SCN9A: variants seen among roughly 807,000 people sequenced by gnomAD.
SCN9A encodes sodium channel protein type 9 subunit alpha.
Under a neutral mutation model 187.0 loss-of-function variants are expected in SCN9A, and 131 were observed. The observed-to-expected ratio is 0.70, with a 90% CI of 0.61 to 0.81. The LOEUF (loss-of-function observed/expected upper bound fraction) is 0.81. Among genes scored for constraint, SCN9A ranks in the 30% least tolerant of loss-of-function variants. The pLI, the probability that SCN9A is intolerant of heterozygous loss-of-function variation, is 0.00. For missense variants in SCN9A, 2,252 were observed against 2,396.6 expected (o/e 0.94, Z 1.26); for synonymous variants, 809 against 808.6 (o/e 1.00, Z -0.01).
At chr2:166,360,131 G>T (rs1432136493) in intron 1 of SCN9A, among the ~76,000 whole-genome samples, 1 of 142,622 alleles carries the variant, frequency 7.0e-6, no homozygotes, top group East Asian at 2.2e-4. Flanking sequence ...TGAGGCAGGA[G>T]AACTGCTTGA....
chr2:166,243,014 C>A (rs889171821), intron 18 of SCN9A, among the ~76,000 whole-genome samples: 4 of 152,024 alleles, frequency 2.6e-5, no homozygotes, highest in African/African-American at 9.7e-5. Context: ...TCTTTTCTGA[C>A]AGATAAATTT....
rs1693269963 is a variant in SCN9A, at chr2:166,197,171, T to A, written c.*1501A>T. 1 of 152,224 alleles carries A rather than the reference T, an allele frequency of 6.6e-6. No homozygotes were observed. The highest frequency in any genetic ancestry group is 2.1e-4 in the South Asian group (1 of 4,828). The allele number at this position is 152,224 out of a possible 1,614,324, so 9.4% of individuals were successfully genotyped here. A position where few individuals can be genotyped will look rare whatever the true frequency, so the allele number is the denominator to read the frequency against. On this transcript the variant is annotated 3_prime_UTR_variant, in exon 27 of 27. Transcript: ENST00000642356. ...TAAAACTACATTCTACCTGTGTAGC[T>A]CAATTTTTGCCTGTGCATGAATAAC...
chr2:166,221,937 CTTATA>C (rs1694605421), intron 24 of SCN9A, among the ~76,000 whole-genome samples: 1 of 152,174 alleles, frequency 6.6e-6, no homozygotes, highest in East Asian at 1.9e-4. Context: ...AAATTGAATT[CTTATA>C]TTATACCATA....
intron 1 of SCN9A, among the ~76,000 whole-genome samples, chr2:166,335,883 C>T (rs1179853736): frequency 6.6e-6 from 1 of 152,048 alleles, no homozygotes; most frequent in African/African-American, 2.4e-5. Context: ...GAAAAATAAG[C>T]ACAGTCTGAG....
chr2:166,203,218 G>T (rs1340072072), intron 26 of SCN9A, among the ~76,000 whole-genome samples: 2 of 151,726 alleles, frequency 1.3e-5, no homozygotes, highest in Non-Finnish European at 1.5e-5. Context: ...AACCTTTTCA[G>T]ATTGATAACC....
chr2:166,233,368 C>T lies in SCN9A; in HGVS notation c.3896G>A (p.Arg1299Lys), dbSNP rs776787509. The T allele has an allele frequency of 4.5e-6, 7 of 1,566,298 alleles. No individual in the cohort carries two copies. The highest frequency in any genetic ancestry group is 4.3e-6 in the Non-Finnish European group (5 of 1,160,828). ...LRTLRALRPLRALSRFEGMRV... is the reference protein window; with the variant it reads ...LRTLRALRPLKALSRFEGMRV... ...CATTCCTTCAAATCTAGATAAGGCT[C>T]TTAGAGGTCTTAAAGCTCTCAGTGT... The change falls in exon 21 of 27, where the codon AGA (arginine) becomes AAA (lysine). Residue 1299 changes from arginine to lysine, a missense_variant. This residue lies in a region of SCN9A where 368 missense variants were observed against 408.6 expected (regional missense o/e 0.90). Transcript: ENST00000642356.
rs994948367 is a variant in SCN9A, at chr2:166,280,531, G to A, written c.2169C>T (p.Ile723=). ...TTATCCAATATGGAGAGCAATTCCA[G>A]ATCAAGAATTTGTGTGCAAATCTGT... is the stretch of plus-strand genomic sequence containing the variant. ...WWYRFAHKFL[I]WNCSPYWIKF... is the part of the protein sequence containing the mutation. Residue 723 remains isoleucine (I), a synonymous_variant, in exon 14 of 27, where the codon ATC becomes ATT. Transcript: ENST00000642356. The A allele has an allele frequency of 6.3e-7, 1 of 1,592,416 alleles. No individual in the cohort carries two copies. The highest frequency in any genetic ancestry group is 8.6e-7 in the Non-Finnish European group (1 of 1,167,562).
At chr2:166,364,272 G>T (rs1295482111) in intron 1 of SCN9A, among the ~76,000 whole-genome samples, 1 of 151,958 alleles carries the variant, frequency 6.6e-6, no homozygotes, top group Admixed American at 6.6e-5. Context: ...ACACTGTGGT[G>T]GTTCCTCAAA....
chr2:166,212,201 C>T (rs762308424), intron 24 of SCN9A, among the ~76,000 whole-genome samples: 3 of 152,192 alleles, frequency 2.0e-5, no homozygotes, highest in African/African-American at 4.8e-5. Context: ...TTAAGTCCCA[C>T]AGTCAGTCTT....
At chr2:166,233,951 C>T (rs1375430892) in intron 20 of SCN9A, among the ~76,000 whole-genome samples, 1 of 152,052 alleles carries the variant, frequency 6.6e-6, no homozygotes, top group African/African-American at 2.4e-5. Context: ...GGCAAATTCT[C>T]AACAAGATTG....
chr2:166,288,120 T>TACACAC (rs367909573), intron 10 of SCN9A, among the ~76,000 whole-genome samples: 1 of 135,562 alleles, frequency 7.4e-6, no homozygotes, highest in Non-Finnish European at 1.6e-5. Flanking sequence ...TATATATATA[T>TACACAC]ACACACACAT....
intron 7 of SCN9A, among the ~76,000 whole-genome samples, chr2:166,300,106 C>G (rs1321143453): frequency 6.6e-6 from 1 of 151,024 alleles, no homozygotes; most frequent in East Asian, 1.9e-4. Flanking sequence ...ACCATCTACC[C>G]TTGCTCAATC....
At position 166,221,455 on chromosome 2, in the gene SCN9A, C is replaced by A. The variant is rs144389061; in HGVS notation, c.4398+5112G>T. 2.0e-3 allele frequency among the ~76,000 whole-genome samples: 309 copies of A among 152,170 alleles called. 4 individuals are homozygous for A. In the East Asian group the frequency reaches 0.049, roughly 24 times the overall value. On this transcript the variant is annotated intron_variant, in intron 24 of 26. Transcript: ENST00000642356. ...TCACCCTGTTGCCCAGGCCAGAGTGCAGTGGCATGATCATAGCTCACTGCA... is the reference window on the plus strand; with the variant it reads ...TCACCCTGTTGCCCAGGCCAGAGTGAAGTGGCATGATCATAGCTCACTGCA...
At chr2:166,312,984 ATAAT>A (rs1185675834) in intron 1 of SCN9A, among the ~76,000 whole-genome samples, 1 of 136,890 alleles carries the variant, frequency 7.3e-6, no homozygotes, top group Non-Finnish European at 1.5e-5. Flanking sequence ...ATTAAATAAT[ATAAT>A]TATTATTTAA....
chr2:166,327,830 G>A (rs1286714870), intron 1 of SCN9A, among the ~76,000 whole-genome samples: 4 of 152,140 alleles, frequency 2.6e-5, no homozygotes, highest in Non-Finnish European at 5.9e-5. Flanking sequence ...AGACTAGCAT[G>A]AGCCAGGATA....
At chr2:166,214,503 C>CTT (rs34494272) in intron 24 of SCN9A, among the ~76,000 whole-genome samples, 27 of 64,260 alleles carry the variant, frequency 4.2e-4, no homozygotes, top group South Asian at 1.3e-3. Context: ...TACAATCTTT[C>CTT]TTTTTTTTTT....
At chr2:166,221,177 A>G (rs1385413604) in intron 24 of SCN9A, among the ~76,000 whole-genome samples, 2 of 152,198 alleles carry the variant, frequency 1.3e-5, no homozygotes, top group African/African-American at 4.8e-5. Context: ...AAATAAATGG[A>G]AAGACCCAGT....
chr2:166,367,545 G>T (rs1180040832), intron 1 of SCN9A, among the ~76,000 whole-genome samples: 1 of 152,242 alleles, frequency 6.6e-6, no homozygotes, highest in East Asian at 1.9e-4. Flanking sequence ...GATTACGGGC[G>T]TAAGCCACCG....
intron 2 of SCN9A, among the ~76,000 whole-genome samples, chr2:166,308,224 T>C (rs1417452572): frequency 6.6e-6 from 1 of 152,218 alleles, no homozygotes; most frequent in East Asian, 1.9e-4. Flanking sequence ...TAAATCTCAG[T>C]AGACTGTATT....
Sources: allele counts gnomAD v4.1 joint callset (sites outside exome capture counted in the v4.1 genomes callset), GRCh38; gene constraint gnomAD v4.1.1; regional missense constraint gnomAD v4.1.1; transcripts MANE v1.5; gene names NCBI Gene and HGNC (gene_info 2026-07-23, HGNC 2026-07-21).